The following XIRP2 variants were observed in gnomAD, a reference collection of about 807,000 sequenced individuals.
XIRP2 encodes the protein xin actin binding repeat containing 2, also known as xin actin-binding repeat-containing protein 2.
A neutral mutation model predicts 277.0 loss-of-function variants in XIRP2; 236 were observed. The ratio of observed to expected loss-of-function variants is 0.85; its 90% CI spans 0.77 to 0.95. The LOEUF (loss-of-function observed/expected upper bound fraction) is 0.95. XIRP2 is among the 40% of genes least tolerant of loss of function. The probability of loss-of-function intolerance (pLI) is 0.00; values close to 1 mark genes in which losing one functional copy is unlikely to be tolerated. For missense variants in XIRP2, 4,640 were observed against 4,157.5 expected, an observed-to-expected ratio of 1.12 and a Z score of -3.19; for synonymous variants, 1,490 against 1,416.5, an observed-to-expected ratio of 1.05 and a Z score of -1.17.
intron 5 of XIRP2, among the ~76,000 whole-genome samples, chr2:167,231,813 A>G (rs1162613397): frequency 1.3e-5 from 2 of 151,920 alleles, no homozygotes; most frequent in Non-Finnish European, 2.9e-5. Flanking sequence ...GCAGGAGATT[A>G]CTCCAATTTC....
intron 3 of XIRP2, among the ~76,000 whole-genome samples, chr2:167,149,749 G>A (rs549864151): frequency 7.9e-5 from 12 of 151,808 alleles, no homozygotes; most frequent in Non-Finnish European, 1.6e-4. Context: ...AAATGAAAAA[G>A]AGAAAGAAAA....
chr2:166,943,653 C>A (rs879778670), intron 2 of XIRP2, among the ~76,000 whole-genome samples: 3 of 152,234 alleles, frequency 2.0e-5, no homozygotes. Flanking sequence ...TCATGTCACA[C>A]TGACTGGCCA....
At chr2:166,962,243 A>G (rs79682827) in intron 2 of XIRP2, among the ~76,000 whole-genome samples, 4,618 of 151,842 alleles carry the variant, frequency 0.03, 101 homozygotes, top group East Asian at 0.079. Context: ...ATTTCTTTGG[A>G]ATAGTCAGAT....
chr2:167,175,277 A>T (rs956563791), intron 3 of XIRP2, among the ~76,000 whole-genome samples: 3 of 152,134 alleles, frequency 2.0e-5, no homozygotes, highest in African/African-American at 7.2e-5. Context: ...TATATTTAGG[A>T]TAGTTGGCTC....
chr2:166,941,462 T>G (rs922541071), intron 2 of XIRP2, among the ~76,000 whole-genome samples: 2 of 152,182 alleles, frequency 1.3e-5, no homozygotes, highest in Non-Finnish European at 2.9e-5. Context: ...CTGCACCCAC[T>G]GTCCGACAAG....
At chr2:167,004,108 T>C (rs1454924312) in intron 2 of XIRP2, among the ~76,000 whole-genome samples, 2 of 151,892 alleles carry the variant, frequency 1.3e-5, no homozygotes, top group African/African-American at 2.4e-5. Flanking sequence ...AATGTTTTTA[T>C]TTCTAGAATA....
chr2:167,108,141 G>T (rs1249420864), intron 2 of XIRP2, among the ~76,000 whole-genome samples: 1 of 151,650 alleles, frequency 6.6e-6, no homozygotes, highest in Non-Finnish European at 1.5e-5. Flanking sequence ...GTAGAAAATT[G>T]TTCATCATAT....
At chr2:167,080,090 G>T (rs540975647) in intron 2 of XIRP2, among the ~76,000 whole-genome samples, 1 of 152,044 alleles carries the variant, frequency 6.6e-6, no homozygotes, top group Non-Finnish European at 1.5e-5. Flanking sequence ...GGAGACTATT[G>T]CAATAATCCA....
rs747405303 is a variant in XIRP2 at position 167,246,387 on chromosome 2, C to A, written c.4995C>A (p.Asn1665Lys). 2 of 1,613,232 alleles carry A rather than the reference C, an allele frequency of 1.2e-6. No individual in the cohort carries two copies. The highest frequency in any genetic ancestry group is 1.7e-6 in the Non-Finnish European group (2 of 1,179,692). Residue 1665 changes from asparagine (N) to lysine (K), a missense_variant, in exon 9 of 11, where the codon AAC (asparagine) becomes AAA (lysine). Physicochemically the swap from Asn to Lys is moderately conservative, Grantham distance 94. Transcript: ENST00000409195. ...GTGATGTACAACAAGCAATAAAAAACCTGTTCTCTGAGGAAAGATCTGTAA... is the reference window on the plus strand; with the variant it reads ...GTGATGTACAACAAGCAATAAAAAAACTGTTCTCTGAGGAAAGATCTGTAA... ...VKGDVQQAIK[N>K]LFSEERSVKK... is the part of the protein sequence containing the mutation.
intron 3 of XIRP2, among the ~76,000 whole-genome samples, chr2:167,175,813 C>G (rs1043830858): frequency 6.6e-6 from 1 of 152,084 alleles, no homozygotes; most frequent in South Asian, 2.1e-4. Flanking sequence ...GGGGCTGCTG[C>G]CTTTCTTTCA....
At chr2:167,084,727 G>A (rs1018907936) in intron 2 of XIRP2, among the ~76,000 whole-genome samples, 1,730 of 151,522 alleles carry the variant, frequency 0.011, 13 homozygotes, top group Non-Finnish European at 0.017. Context: ...GTTTATTTGC[G>A]TAGAGGTGTT....
intron 2 of XIRP2, among the ~76,000 whole-genome samples, chr2:166,975,409 CTAAA>C (rs1686683760): frequency 6.6e-6 from 1 of 152,018 alleles, no homozygotes; most frequent in South Asian, 2.1e-4. Flanking sequence ...TAATATAAAT[CTAAA>C]TAAATCTCAA....
intron 2 of XIRP2, among the ~76,000 whole-genome samples, chr2:167,082,479 T>G (rs1270347395): frequency 6.6e-6 from 1 of 152,140 alleles, no homozygotes; most frequent in African/African-American, 2.4e-5. Context: ...GATGGCTGGG[T>G]CAAATGGTAT....
chr2:167,133,016 G>A lies in XIRP2; in HGVS notation c.409-2893G>A, dbSNP rs1028453369. Among the ~76,000 whole-genome samples, 3 of 152,278 alleles carry A rather than the reference G, an allele frequency of 2.0e-5. No homozygotes were observed. In the East Asian group the frequency reaches 5.8e-4, roughly 29 times the overall value. ...AGTAGTTGGTTGTTGAACATTAGGTGTTCAATGACTAAATCTCTTCCAAGA... is the reference window on the plus strand; with the variant it reads ...AGTAGTTGGTTGTTGAACATTAGGTATTCAATGACTAAATCTCTTCCAAGA... On this transcript the variant is annotated intron_variant, in intron 2 of 10. Coordinates refer to ENST00000409195, the MANE Select transcript of XIRP2 (RefSeq NM_152381.6).
chr2:167,025,395 CA>C lies in XIRP2; in HGVS notation c.409-110508del, dbSNP rs1688123810. Among the ~76,000 whole-genome samples, 5 of 152,100 alleles carry C rather than the reference CA, an allele frequency of 3.3e-5. No homozygotes were observed. The South Asian group carries it at 1.0e-3, about 32-fold the overall frequency. On this transcript the variant is annotated intron_variant, in intron 2 of 10. Transcript: ENST00000409195. The stretch of plus-strand genomic sequence containing the variant: ...GGTCTGTCAATTTTGTTGATCTTTT[CA>C]AAAAACCAGCTGCTGGATTCATTAA...
chr2:167,154,533 T>A (rs1692124296), intron 3 of XIRP2, among the ~76,000 whole-genome samples: 1 of 151,868 alleles, frequency 6.6e-6, no homozygotes, highest in Non-Finnish European at 1.5e-5. Flanking sequence ...AGGGTTTCTA[T>A]GGTTTTAGGT....
intron 2 of XIRP2, among the ~76,000 whole-genome samples, chr2:167,121,003 T>C (rs1283863397): frequency 1.3e-5 from 2 of 152,180 alleles, no homozygotes; most frequent in Admixed American, 1.3e-4. Flanking sequence ...TTCATATTCA[T>C]TCAAAAGTGA....
chr2:166,902,157 A>G (rs564830600), intron 1 of XIRP2, among the ~76,000 whole-genome samples: 2 of 152,254 alleles, frequency 1.3e-5, no homozygotes, highest in East Asian at 3.9e-4. Flanking sequence ...GGAGCTATCC[A>G]GCAGTCCATG....
rs185809737 is a variant in XIRP2, at chr2:166,911,740, G to A, written c.408+7850G>A. On this transcript the variant is annotated intron_variant, in intron 2 of 10. Transcript: ENST00000409195. ...AATAATTTGTCATGTTTTTGCTGTC[G>A]CTGGTACTGGTTGTTCCTTTCCATG... Among the ~76,000 whole-genome samples, 641 of 152,216 alleles carry A rather than the reference G, an allele frequency of 4.2e-3. 5 individuals carry two copies. The highest frequency in any genetic ancestry group is 0.014 in the African/African-American group (599 of 41,536).
Sources: allele counts gnomAD v4.1 joint callset (sites outside exome capture counted in the v4.1 genomes callset), GRCh38; gene constraint gnomAD v4.1.1; transcripts MANE v1.5; gene names NCBI Gene and HGNC (gene_info 2026-07-23, HGNC 2026-07-21).